The following RB1CC1 variants were observed in gnomAD, a reference collection of about 807,000 sequenced individuals.
RB1CC1 encodes RB1 inducible coiled-coil 1, also known as RB1-inducible coiled-coil protein 1.
A neutral mutation model predicts 177.5 loss-of-function variants in RB1CC1; 46 were observed. The ratio of observed to expected loss-of-function variants is 0.26; its 90% CI spans 0.20 to 0.33. The LOEUF (loss-of-function observed/expected upper bound fraction) is 0.33, where lower values mean the gene tolerates loss of function less well. Among genes scored for constraint, RB1CC1 ranks in the 10% least tolerant of loss-of-function variants. The pLI is 1.00. For synonymous variants in RB1CC1, 666 were observed against 613.6 expected (o/e 1.09, Z -1.26); for missense variants, 1,703 against 1,816.3 (o/e 0.94, Z 1.13).
Position 52,636,038 on chromosome 8 carries a change from G to C in RB1CC1, c.4369C>G (p.Gln1457Glu). 1 of 1,607,438 alleles carries C rather than the reference G, an allele frequency of 6.2e-7. No homozygotes were observed. The highest frequency in any genetic ancestry group is 1.1e-5 in the South Asian group (1 of 90,464). ...ACTCGTTCTAACAGCATTATCCGCT[G>C]TTTTTCTTCAGACAACATATGAATA... is the stretch of plus-strand genomic sequence containing the variant. ...ENIHMLSEEKQRIMLLERTLQ... is the reference protein window; with the variant it reads ...ENIHMLSEEKERIMLLERTLQ... The change falls in exon 19 of 24, where the codon CAG (glutamine) becomes GAG (glutamate). Residue 1457 changes from glutamine to glutamate, a missense_variant. Gln to Glu is a conservative substitution (Grantham distance 29, BLOSUM62 2). Around this residue, in one of 6 missense-constraint regions of RB1CC1, gnomAD observed 1,169 missense variants for 1,184.7 expected, o/e 0.99. Coordinates refer to ENST00000025008, the MANE Select transcript of RB1CC1 (RefSeq NM_014781.5).
intron 21 of RB1CC1, 77 bp from the exon 22 acceptor site, chr8:52,628,245 TA>T (rs1376386549): frequency 7.6e-6 from 10 of 1,311,822 alleles, no homozygotes; most frequent in Non-Finnish European, 1.1e-5. Context: ...CATATATACT[TA>T]ATGCTCAACT....
rs1048145206 is a variant in RB1CC1 at position 52,681,668 on chromosome 8, C to T, written c.369+1881G>A. 5.9e-5 allele frequency among the ~76,000 whole-genome samples: 9 copies of T among 152,296 alleles called. No homozygotes were observed. The South Asian group carries it at 6.2e-4, about 11-fold the overall frequency. On this transcript the variant is annotated intron_variant, in intron 5 of 23. Coordinates refer to ENST00000025008, the MANE Select transcript of RB1CC1 (RefSeq NM_014781.5). ...AAAAGAGGCCAGGTATGCTGATTCACGCCTATAATCCCAGCACTTAGGGAG... is the reference window on the plus strand; with the variant it reads ...AAAAGAGGCCAGGTATGCTGATTCATGCCTATAATCCCAGCACTTAGGGAG...
At chr8:52,643,890 T>C (rs1590949635) in intron 16 of RB1CC1, among the ~76,000 whole-genome samples, 4 of 152,028 alleles carry the variant, frequency 2.6e-5, no homozygotes, top group African/African-American at 9.6e-5. Flanking sequence ...TAGGGAGATT[T>C]AGGAAAAGTA....
At chr8:52,641,807 C>T (rs540854911) in intron 18 of RB1CC1, among the ~76,000 whole-genome samples, 133 of 152,196 alleles carry the variant, frequency 8.7e-4, no homozygotes, top group Non-Finnish European at 1.6e-3. Flanking sequence ...TTTCTCCTCC[C>T]AATTCTGTCT....
chr8:52,660,875 A>G lies in RB1CC1; in HGVS notation c.1627+51T>C, dbSNP rs781763543. 3.4e-6 allele frequency: 5 copies of G among 1,482,236 alleles called. No individual in the cohort carries two copies. The Admixed American group carries it at 7.8e-5, about 23-fold the overall frequency. The allele number at this position is 1,482,236 out of a possible 1,614,324, so 91.8% of individuals were successfully genotyped here. A position where few individuals can be genotyped will look rare whatever the true frequency, so the allele number is the denominator to read the frequency against. ...TATGCTACAGAAAATCCAAGCTTAT[A>G]AAAACTTTTATCCTTTACAAAAGTA... On this transcript the variant is annotated intron_variant, in intron 11 of 23. Coordinates refer to ENST00000025008, the MANE Select transcript of RB1CC1 (RefSeq NM_014781.5).
chr8:52,706,507 C>T (rs949760323), intron 1 of RB1CC1, among the ~76,000 whole-genome samples: 8 of 151,464 alleles, frequency 5.3e-5, no homozygotes, highest in African/African-American at 1.5e-4. Flanking sequence ...CCGAGGCAGG[C>T]GGATCATGAG....
intron 22 of RB1CC1, 117 bp downstream of exon 22, chr8:52,627,915 C>T: frequency 1.2e-6 from 1 of 855,130 alleles, no homozygotes; most frequent in Non-Finnish European, 1.7e-6. Flanking sequence ...AAGCAGATTA[C>T]ACAGGGTTCC....
chr8:52,639,468 A>G (rs2150402229), intron 18 of RB1CC1, among the ~76,000 whole-genome samples: 1 of 152,298 alleles, frequency 6.6e-6, no homozygotes, highest in Admixed American at 6.5e-5. Flanking sequence ...ATGAGGACAG[A>G]AAAAGTTGTT....
chr8:52,631,263 A>C (rs1007276058), intron 20 of RB1CC1, among the ~76,000 whole-genome samples: 1 of 152,146 alleles, frequency 6.6e-6, no homozygotes, highest in African/African-American at 2.4e-5. Flanking sequence ...AAAAAGATTT[A>C]AAATCTCCAG....
intron 18 of RB1CC1, among the ~76,000 whole-genome samples, chr8:52,640,834 A>G (rs1849511396): frequency 1.3e-5 from 2 of 152,094 alleles, no homozygotes; most frequent in Admixed American, 1.3e-4. Context: ...CTTAAGCCTT[A>G]TACCTTTCAA....
rs189438075 is a variant in RB1CC1, at chr8:52,695,415, C to A, written c.-166-8448G>T. On this transcript the variant is annotated intron_variant, in intron 1 of 23. Transcript: ENST00000025008. The stretch of plus-strand genomic sequence containing the variant: ...TCGCTACTGGGAGGTGATCTCTAGG[C>A]CCCTGTAATATCCTGACAGATAGAA... 4.7e-3 allele frequency among the ~76,000 whole-genome samples: 711 copies of A among 152,318 alleles called. 3 individuals carry two copies. Among genetic ancestry groups the A allele is most frequent in the Non-Finnish European group, 7.9e-3 (535 of 68,024 alleles).
chr8:52,674,148 C>A lies in RB1CC1; in HGVS notation c.699G>T (p.Glu233Asp), dbSNP rs1338470880. The change falls in exon 7 of 24, where the codon GAG becomes GAT. Residue 233 changes from glutamate (E) to aspartate (D), a missense_variant. Physicochemically the swap from Glu to Asp is conservative, Grantham distance 45. This residue lies in a region of RB1CC1 where 315 missense variants were observed against 304.9 expected (regional missense o/e 1.03). Transcript: ENST00000025008. The stretch of plus-strand genomic sequence containing the variant: ...GCACCAGTTCAGTGGATCTTTTCAT[C>A]TCAGCTTTTTCTGAGTCTTCATGTT... ...LPEHEDSEKA[E>D]MKRSTELVLS... is the part of the protein sequence containing the mutation. The A allele has an allele frequency of 6.2e-7, 1 of 1,613,940 alleles. No homozygotes were observed. The highest frequency in any genetic ancestry group is 1.7e-5 in the Admixed American group (1 of 60,014).
chr8:52,674,400 C>A (rs576541280), intron 6 of RB1CC1, 126 bp from the exon 7 acceptor site: 235 of 799,810 alleles, frequency 2.9e-4, no homozygotes, highest in Non-Finnish European at 4.5e-4. Context: ...ATTATACATA[C>A]ATAAACTAGT....
chr8:52,678,771 C>A (rs1459402088), intron 5 of RB1CC1, among the ~76,000 whole-genome samples: 1 of 152,134 alleles, frequency 6.6e-6, no homozygotes, highest in Non-Finnish European at 1.5e-5. Flanking sequence ...TCTGGAAGTA[C>A]AATGATATGA....
chr8:52,649,272 T>C (rs1850343943), intron 15 of RB1CC1, among the ~76,000 whole-genome samples: 1 of 152,276 alleles, frequency 6.6e-6, no homozygotes, highest in South Asian at 2.1e-4. Context: ...GGCCTGGACA[T>C]TGAAACTCAA....
chr8:52,671,930 C>T (rs1428526746), intron 7 of RB1CC1, among the ~76,000 whole-genome samples: 3 of 152,072 alleles, frequency 2.0e-5, no homozygotes, highest in Non-Finnish European at 2.9e-5. Flanking sequence ...TTTAAAGTCA[C>T]GTTAGCTAAT....
At chr8:52,667,195 AAAC>A (rs1206231972) in intron 8 of RB1CC1, among the ~76,000 whole-genome samples, 3 of 152,264 alleles carry the variant, frequency 2.0e-5, no homozygotes, top group Non-Finnish European at 4.4e-5. Flanking sequence ...AGAGATTTTC[AAAC>A]AACAAAATTG....
chr8:52,648,254 T>C (rs1850236248), intron 15 of RB1CC1, among the ~76,000 whole-genome samples: 1 of 152,188 alleles, frequency 6.6e-6, no homozygotes, highest in Admixed American at 6.5e-5. Context: ...ATAATCATTA[T>C]CCTGTACTGA....
chr8:52,651,550 G>A (rs1014302114), intron 15 of RB1CC1, among the ~76,000 whole-genome samples: 1 of 152,220 alleles, frequency 6.6e-6, no homozygotes, highest in African/African-American at 2.4e-5. Context: ...CAGAGGACAA[G>A]TGAAGTCAGA....
Sources: allele counts gnomAD v4.1 joint callset (sites outside exome capture counted in the v4.1 genomes callset), GRCh38; gene constraint gnomAD v4.1.1; regional missense constraint gnomAD v4.1.1; transcripts MANE v1.5; gene names NCBI Gene and HGNC (gene_info 2026-07-23, HGNC 2026-07-21).